RAB27B: variants seen among roughly 807,000 people sequenced by gnomAD.
The protein encoded by RAB27B is ras-related protein Rab-27B.
Under a neutral mutation model 24.6 loss-of-function variants are expected in RAB27B, and 15 were observed. That is an observed-to-expected ratio of 0.61 (90% confidence interval 0.41 to 0.94). RAB27B has a LOEUF of 0.94. Among genes scored for constraint, RAB27B ranks in the 40% least tolerant of loss-of-function variants. The probability of loss-of-function intolerance (pLI) is 0.00; values close to 1 mark genes in which losing one functional copy is unlikely to be tolerated. For synonymous variants in RAB27B, 105 were observed against 92.5 expected (o/e 1.14, Z -0.78); for missense variants, 261 against 266.8 (o/e 0.98, Z 0.15).
intron 5 of RAB27B, 133 bp from the exon 6 acceptor site, chr18:54,889,091 T>C (rs112394512): frequency 5.9e-6 from 5 of 849,612 alleles, no homozygotes. Context: ...GCTTTCCAAC[T>C]TAGCCAGCAA....
intron 1 of RAB27B, among the ~76,000 whole-genome samples, chr18:54,868,862 T>C (rs1469163382): frequency 1.3e-5 from 2 of 152,140 alleles, no homozygotes; most frequent in East Asian, 3.9e-4. Context: ...AAACTCTCTG[T>C]TTTTATTAAG....
chr18:54,890,624 ACT>A lies in RAB27B; in HGVS notation c.*1214_*1215del, dbSNP rs1355298386. On this transcript the variant is annotated 3_prime_UTR_variant, in exon 6 of 6. Coordinates refer to ENST00000262094, the MANE Select transcript of RAB27B (RefSeq NM_004163.4). ...ACAATTATGGATCAATTCTATGGTC[ACT>A]CTGAATTTTCATGTCATTAATCACA... 1.3e-5 allele frequency: 2 copies of A among 152,106 alleles called. No individual in the cohort carries two copies. Among genetic ancestry groups the A allele is most frequent in the African/African-American group, 4.8e-5 (2 of 41,434 alleles). 9.4% of individuals were successfully genotyped at this position (152,106 alleles called of 1,614,324 possible).
intron 2 of RAB27B, among the ~76,000 whole-genome samples, chr18:54,777,868 C>T (rs200032989): frequency 2.1e-5 from 3 of 139,620 alleles, no homozygotes; most frequent in Non-Finnish European, 4.7e-5. Flanking sequence ...TCTCCCCCCC[C>T]ACCCCTTCTT....
chr18:54,839,498 A>C (rs1261044995), intron 1 of RAB27B, among the ~76,000 whole-genome samples: 2 of 152,208 alleles, frequency 1.3e-5, no homozygotes, highest in African/African-American at 2.4e-5. Context: ...TACCAAAATC[A>C]GGCCAAGGAA....
intron 2 of RAB27B, among the ~76,000 whole-genome samples, chr18:54,805,127 G>A (rs371939974): frequency 2.6e-5 from 4 of 151,850 alleles, no homozygotes; most frequent in South Asian, 2.1e-4. Context: ...GAGCCTCAGC[G>A]AGTTAAGAGC....
chr18:54,848,992 A>G (rs763028141), intron 1 of RAB27B, among the ~76,000 whole-genome samples: 10 of 152,250 alleles, frequency 6.6e-5, no homozygotes, highest in Non-Finnish European at 1.2e-4. Context: ...AGACAATGAT[A>G]TGGACAAATG....
chr18:54,760,389 A>C (rs1011009717), intron 2 of RAB27B, among the ~76,000 whole-genome samples: 1 of 152,146 alleles, frequency 6.6e-6, no homozygotes, highest in African/African-American at 2.4e-5. Flanking sequence ...GATGTAGGGG[A>C]GGGAGGTGGG....
intron 2 of RAB27B, among the ~76,000 whole-genome samples, chr18:54,813,587 T>C (rs1297014992): frequency 6.6e-6 from 1 of 152,216 alleles, no homozygotes; most frequent in African/African-American, 2.4e-5. Flanking sequence ...TGCTCTGCCT[T>C]CTGCCATGAT....
At chr18:54,750,450 A>G (rs1293309661) in intron 2 of RAB27B, among the ~76,000 whole-genome samples, 1 of 151,976 alleles carries the variant, frequency 6.6e-6, no homozygotes, top group East Asian at 1.9e-4. Context: ...CTTTCTTTTC[A>G]TTGTCACTGA....
At chr18:54,771,399 T>C (rs183963256) in intron 2 of RAB27B, among the ~76,000 whole-genome samples, 1 of 152,300 alleles carries the variant, frequency 6.6e-6, no homozygotes, top group African/African-American at 2.4e-5. Flanking sequence ...ACTGGACTCA[T>C]ATCTGTGCCA....
intron 2 of RAB27B, among the ~76,000 whole-genome samples, chr18:54,743,918 G>A (rs953563556): frequency 2.6e-5 from 4 of 152,188 alleles, no homozygotes; most frequent in Non-Finnish European, 5.9e-5. Flanking sequence ...GCACAGACCA[G>A]TTACAGAGAT....
intron 1 of RAB27B, among the ~76,000 whole-genome samples, chr18:54,849,538 G>A (rs1240055070): frequency 6.6e-6 from 1 of 152,058 alleles, no homozygotes; most frequent in African/African-American, 2.4e-5. Flanking sequence ...GCCCAACTTC[G>A]TGAAACCACT....
chr18:54,723,871 T>C (rs1016287515), intron 2 of RAB27B, among the ~76,000 whole-genome samples: 2 of 152,180 alleles, frequency 1.3e-5, no homozygotes, highest in African/African-American at 2.4e-5. Context: ...TACGAATTAA[T>C]CTACCAGTAA....
At chr18:54,805,643 G>T (rs1444241896) in intron 2 of RAB27B, among the ~76,000 whole-genome samples, 1 of 152,204 alleles carries the variant, frequency 6.6e-6, no homozygotes, top group African/African-American at 2.4e-5. Flanking sequence ...TAGGTAATTT[G>T]TGAGTTCAGG....
chr18:54,845,623 C>G (rs1291268881), intron 1 of RAB27B, among the ~76,000 whole-genome samples: 2 of 151,960 alleles, frequency 1.3e-5, no homozygotes, highest in African/African-American at 4.8e-5. Context: ...CCTGACTGCC[C>G]CCTGGAATAT....
intron 2 of RAB27B, among the ~76,000 whole-genome samples, chr18:54,726,813 T>C (rs993137641): frequency 1.4e-5 from 2 of 145,140 alleles, no homozygotes; most frequent in South Asian, 2.2e-4. Flanking sequence ...TCAACCATTA[T>C]GCCAGTTTTG....
intron 2 of RAB27B, among the ~76,000 whole-genome samples, chr18:54,819,172 A>G: frequency 7.4e-6 from 1 of 135,862 alleles, no homozygotes; most frequent in East Asian, 2.0e-4. Context: ...TAACATAATT[A>G]TTAATGAATA....
At chr18:54,775,486 C>T (rs1037540848) in intron 2 of RAB27B, among the ~76,000 whole-genome samples, 4 of 152,134 alleles carry the variant, frequency 2.6e-5, no homozygotes, top group African/African-American at 4.8e-5. Context: ...TTTCATCATG[C>T]GGAAACTCTT....
chr18:54,824,432 C>T (rs1910408454), upstream of RAB27B, among the ~76,000 whole-genome samples: 1 of 152,220 alleles, frequency 6.6e-6, no homozygotes, highest in Non-Finnish European at 1.5e-5. Context: ...ACTTCTAGCT[C>T]ATGTGGTAGT....
Sources: gnomAD v4.1 joint callset for allele counts (sites outside exome capture counted in the v4.1 genomes callset) on GRCh38, gnomAD v4.1.1 for gene constraint, MANE v1.5 for transcripts, NCBI Gene and HGNC (gene_info 2026-07-23, HGNC 2026-07-21) for gene names.